DOCK5: variants seen among roughly 807,000 people sequenced by gnomAD.
The protein encoded by DOCK5 is dedicator of cytokinesis protein 5.
DOCK5 carries 142 observed loss-of-function variants against 251.8 expected under a neutral mutation model. The observed-to-expected ratio is 0.56, with a 90% CI of 0.49 to 0.65. DOCK5 has a LOEUF of 0.65. Ranked by LOEUF, DOCK5 falls within the 30% of genes least tolerant of loss-of-function variation. The pLI is 0.00. For missense variants in DOCK5, 2,111 were observed against 2,312.3 expected, an observed-to-expected ratio of 0.91 and a Z score of 1.79; for synonymous variants, 842 against 835.5, an observed-to-expected ratio of 1.01 and a Z score of -0.13.
At chr8:25,265,791 A>G (rs529791532) in intron 2 of DOCK5, among the ~76,000 whole-genome samples, 4 of 152,010 alleles carry the variant, frequency 2.6e-5, no homozygotes, top group African/African-American at 9.7e-5. Flanking sequence ...AGACATTTGG[A>G]TAGGTGAAGT....
At chr8:25,246,212 G>T (rs899688566) in intron 2 of DOCK5, among the ~76,000 whole-genome samples, 1 of 152,114 alleles carries the variant, frequency 6.6e-6, no homozygotes, top group Non-Finnish European at 1.5e-5. Flanking sequence ...GCTCCACAAG[G>T]CCATCAGAAA....
At chr8:25,240,688 C>G (rs929636171) in intron 1 of DOCK5, among the ~76,000 whole-genome samples, 5 of 152,140 alleles carry the variant, frequency 3.3e-5, no homozygotes, top group Non-Finnish European at 7.3e-5. Context: ...ATATACCATA[C>G]TTTGTGTATC....
rs890739941 is a variant in DOCK5, at chr8:25,292,304, CTT to C, written c.470+134_470+135del. 90 of 1,089,170 alleles carry C rather than the reference CTT, an allele frequency of 8.3e-5. No individual in the cohort carries two copies. The African/African-American group carries it at 1.3e-3, about 16-fold the overall frequency. The allele number at this position is 1,089,170 out of a possible 1,614,324, so 67.5% of individuals were successfully genotyped here. A position where few individuals can be genotyped will look rare whatever the true frequency, so the allele number is the denominator to read the frequency against. ...ATAATGCTTACTGCTCTCATTTTGT[CTT>C]TGAAGACATTTAATTTTGTTGAAAA... On this transcript the variant is annotated intron_variant, in intron 6 of 51. Coordinates refer to ENST00000276440, the MANE Select transcript of DOCK5 (RefSeq NM_024940.8).
chr8:25,403,108 C>T (rs558311287), intron 47 of DOCK5, among the ~76,000 whole-genome samples: 1 of 152,262 alleles, frequency 6.6e-6, no homozygotes, highest in Admixed American at 6.5e-5. Context: ...CTACTGGTGA[C>T]ATTTCTAGAG....
At chr8:25,205,146 C>T (rs1435874481) in intron 1 of DOCK5, among the ~76,000 whole-genome samples, 1 of 152,116 alleles carries the variant, frequency 6.6e-6, no homozygotes, top group Non-Finnish European at 1.5e-5. Flanking sequence ...AATCCTCCCA[C>T]CTCAGCCTCC....
intron 1 of DOCK5, among the ~76,000 whole-genome samples, chr8:25,224,743 C>A (rs975488631): frequency 2.0e-5 from 3 of 152,188 alleles, no homozygotes; most frequent in Admixed American, 6.5e-5. Flanking sequence ...GAAAGGCAAC[C>A]CCCATGTGTT....
At chr8:25,269,185 C>T (rs993283865) in intron 3 of DOCK5, among the ~76,000 whole-genome samples, 1 of 152,200 alleles carries the variant, frequency 6.6e-6, no homozygotes, top group African/African-American at 2.4e-5. Context: ...AGTGGGATCT[C>T]TTTTGCAGGG....
At chr8:25,388,860 G>A (rs1801208248) in intron 40 of DOCK5, 2 of 499,426 alleles carry the variant, frequency 4.0e-6, no homozygotes, top group African/African-American at 1.9e-5. Flanking sequence ...CACACTGGAA[G>A]AAGAACTGGG....
At chr8:25,328,107 T>C (rs1306107263) in intron 18 of DOCK5, among the ~76,000 whole-genome samples, 1 of 152,024 alleles carries the variant, frequency 6.6e-6, no homozygotes, top group Non-Finnish European at 1.5e-5. Context: ...CTGGTGAGTT[T>C]TGTGTTGGGC....
chr8:25,217,906 A>G (rs555037170), intron 1 of DOCK5, among the ~76,000 whole-genome samples: 4 of 152,314 alleles, frequency 2.6e-5, no homozygotes, highest in African/African-American at 9.6e-5. Context: ...ACCTACTAAG[A>G]TTGTTCTTTA....
intron 1 of DOCK5, among the ~76,000 whole-genome samples, chr8:25,219,835 C>T (rs77149612): frequency 1.4e-3 from 206 of 151,858 alleles, no homozygotes; most frequent in African/African-American, 4.5e-3. Context: ...TGGTAGGAAT[C>T]GTCTTTCCGT....
intron 2 of DOCK5, among the ~76,000 whole-genome samples, chr8:25,251,821 T>C (rs1803277733): frequency 6.6e-6 from 1 of 152,148 alleles, no homozygotes; most frequent in Non-Finnish European, 1.5e-5. Context: ...AAACCCTGTC[T>C]CTACTAAAGA....
At chr8:25,394,209 A>G (rs1466028843) in intron 44 of DOCK5, among the ~76,000 whole-genome samples, 2 of 152,180 alleles carry the variant, frequency 1.3e-5, no homozygotes, top group Non-Finnish European at 2.9e-5. Flanking sequence ...TGGTCAACTG[A>G]GTGACACCCT....
At position 25,278,681 on chromosome 8, in the gene DOCK5, T is replaced by A. The variant is rs773304183; in HGVS notation, c.321+16T>A. The A allele has an allele frequency of 1.9e-6, 3 of 1,612,398 alleles. No homozygotes were observed. The highest frequency in any genetic ancestry group is 1.7e-6 in the Non-Finnish European group (2 of 1,179,098). On this transcript the variant is annotated intron_variant, in intron 5 of 51. Coordinates refer to ENST00000276440, the MANE Select transcript of DOCK5 (RefSeq NM_024940.8). ...GCTCTACGTGGTGAGTTTCCCCTTG[T>A]GGCTTGGAGCCCCAGGGTCACTCTG...
rs1033173220 is a variant in DOCK5, at chr8:25,329,704, C to G, written c.1904-2547C>G. Reference sequence around the variant, plus strand: ...GCTGCTCTACCTGTATACCAGGAGACGTATGAGAATGTTCATGGCGGAATT... The same window carrying G: ...GCTGCTCTACCTGTATACCAGGAGAGGTATGAGAATGTTCATGGCGGAATT... On this transcript the variant is annotated intron_variant, in intron 18 of 51. Coordinates refer to ENST00000276440, the MANE Select transcript of DOCK5 (RefSeq NM_024940.8). Among the ~76,000 whole-genome samples, 3 of 152,064 alleles carry G rather than the reference C, an allele frequency of 2.0e-5. No individual in the cohort carries two copies. The East Asian group carries it at 5.8e-4, about 29-fold the overall frequency.
At chr8:25,356,198 C>T (rs2659589) in intron 27 of DOCK5, among the ~76,000 whole-genome samples, 6 of 151,610 alleles carry the variant, frequency 4.0e-5, no homozygotes, top group Non-Finnish European at 5.9e-5. Context: ...GACTCCGTCT[C>T]GAAAAAAACA....
At chr8:25,254,131 T>C (rs1015796767) in intron 2 of DOCK5, among the ~76,000 whole-genome samples, 1 of 152,044 alleles carries the variant, frequency 6.6e-6, no homozygotes, top group Non-Finnish European at 1.5e-5. Context: ...GGCAATACAA[T>C]AGAGAAAAGA....
At chr8:25,310,379 T>A (rs1046209992) in intron 12 of DOCK5, 28 bp from the exon 13 acceptor site, 2 of 1,590,642 alleles carry the variant, frequency 1.3e-6, no homozygotes, top group Non-Finnish European at 1.7e-6. Context: ...TACAAAGAAC[T>A]AAACGTTTAT....
chr8:25,302,179 A>T, intron 9 of DOCK5, 146 bp from the exon 10 acceptor site: 2 of 1,195,642 alleles, frequency 1.7e-6, no homozygotes, highest in Admixed American at 7.1e-5. Flanking sequence ...TTGGATGGAG[A>T]TGGGGGAGAA....
Sources: allele counts gnomAD v4.1 joint callset (sites outside exome capture counted in the v4.1 genomes callset), GRCh38; gene constraint gnomAD v4.1.1; transcripts MANE v1.5; gene names NCBI Gene and HGNC (gene_info 2026-07-23, HGNC 2026-07-21).